Variants in GAPVD1 observed in about 807,000 individuals in gnomAD.
GAPVD1 encodes the protein GTPase activating protein and VPS9 domains 1.
In GAPVD1, 35 loss-of-function variants were observed where a neutral mutation model predicts 155.5. That is an observed-to-expected ratio of 0.23 (90% CI 0.17 to 0.30). The LOEUF (loss-of-function observed/expected upper bound fraction) is 0.30. Among genes scored for constraint, GAPVD1 ranks in the 10% least tolerant of loss-of-function variants. The probability of loss-of-function intolerance (pLI) is 1.00; values close to 1 mark genes in which losing one functional copy is unlikely to be tolerated. For synonymous variants in GAPVD1, 636 were observed against 619.7 expected (o/e 1.03, Z -0.39); for missense variants, 1,429 against 1,775.7 (o/e 0.80, Z 3.51).
chr9:125,343,231 T>C (rs1848068448), intron 19 of GAPVD1, among the ~76,000 whole-genome samples: 1 of 150,476 alleles, frequency 6.6e-6, no homozygotes, highest in Non-Finnish European at 1.5e-5. Flanking sequence ...CTATCATTAG[T>C]GTTAGTGTAT....
At chr9:125,340,906 C>T (rs575641489) in intron 17 of GAPVD1, among the ~76,000 whole-genome samples, 25 of 152,242 alleles carry the variant, frequency 1.6e-4, no homozygotes, top group African/African-American at 5.5e-4. Context: ...TAGTAAGACC[C>T]TGTCCCTACA....
At chr9:125,298,148 C>A (rs1430112778) in intron 3 of GAPVD1, among the ~76,000 whole-genome samples, 3 of 152,084 alleles carry the variant, frequency 2.0e-5, no homozygotes. Flanking sequence ...TATGCACCTC[C>A]TAGTGAGAAT....
intron 25 of GAPVD1, among the ~76,000 whole-genome samples, chr9:125,357,269 A>G (rs1211734023): frequency 6.6e-6 from 1 of 152,162 alleles, no homozygotes; most frequent in Non-Finnish European, 1.5e-5. Flanking sequence ...ATATATGCTC[A>G]TTATATATTT....
At chr9:125,263,586 T>C (rs1208829323) in intron 1 of GAPVD1, 3 of 1,402,624 alleles carry the variant, frequency 2.1e-6, no homozygotes, top group East Asian at 2.3e-5. Flanking sequence ...CCAATTTTAC[T>C]GAGGTGGCTG....
intron 4 of GAPVD1, among the ~76,000 whole-genome samples, chr9:125,299,967 C>CA (rs1269024640): frequency 7.6e-6 from 1 of 132,270 alleles, no homozygotes; most frequent in African/African-American, 2.8e-5. Flanking sequence ...TGCAGTGAGC[C>CA]AAAATCGCAC....
intron 2 of GAPVD1, among the ~76,000 whole-genome samples, chr9:125,285,194 C>T (rs1425111422): frequency 1.3e-5 from 2 of 152,168 alleles, no homozygotes; most frequent in Non-Finnish European, 2.9e-5. Flanking sequence ...AATATATAAA[C>T]AAGTGAGTAT....
Position 125,337,575 on chromosome 9 carries a change from A to G in GAPVD1, c.2861A>G (p.Asp954Gly). Residue 954 changes from aspartate (D) to glycine (G), a missense_variant, in exon 17 of 28, where the codon GAC becomes GGC. Asp to Gly is a moderately conservative substitution (Grantham distance 94, BLOSUM62 -1). Transcript: ENST00000297933. Reference sequence around the variant, plus strand: ...TCATCATCTTCATCCCCGAGTAAGGACTCCTCAAGAGGAGAGGTATGGGAC... The same window carrying G: ...TCATCATCTTCATCCCCGAGTAAGGGCTCCTCAAGAGGAGAGGTATGGGAC... ...PHSSSSSPSK[D>G]SSRGETEERK... 3.7e-6 allele frequency: 6 copies of G among 1,613,598 alleles called. No homozygotes were observed. The highest frequency in any genetic ancestry group is 5.1e-6 in the Non-Finnish European group (6 of 1,179,798).
At chr9:125,320,629 T>A (rs957897565) in intron 9 of GAPVD1, among the ~76,000 whole-genome samples, 5 of 152,216 alleles carry the variant, frequency 3.3e-5, no homozygotes, top group African/African-American at 1.2e-4. Context: ...ATTGATTTTT[T>A]ATTTTTATTT....
At chr9:125,268,504 T>C (rs1035716797) in intron 1 of GAPVD1, among the ~76,000 whole-genome samples, 10 of 149,942 alleles carry the variant, frequency 6.7e-5, no homozygotes, top group African/African-American at 2.5e-4. Flanking sequence ...TGTTTTTTTT[T>C]TTTTTTTTTT....
In GAPVD1 at chr9:125,284,233, G is replaced by A. The variant is rs1373990330; in HGVS notation, c.-149-11225G>A. On this transcript the variant is annotated intron_variant, in intron 2 of 27. Transcript: ENST00000297933. Reference sequence around the variant, plus strand: ...GAGACTCACTCTTGACACCCAGGCCGAAGTGCAGTGGTGCGATCTCAGCTT... The same window carrying A: ...GAGACTCACTCTTGACACCCAGGCCAAAGTGCAGTGGTGCGATCTCAGCTT... Among the ~76,000 whole-genome samples the A allele has an allele frequency of 3.0e-5, 4 of 131,952 alleles. No homozygotes were observed. In the East Asian group the frequency reaches 9.2e-4, roughly 30 times the overall value. The allele number at this position is 131,952 out of a possible 152,430, so 86.6% of individuals were successfully genotyped here. A position where few individuals can be genotyped will look rare whatever the true frequency, so the allele number is the denominator to read the frequency against.
chr9:125,307,224 G>T (rs1185158731), intron 6 of GAPVD1, among the ~76,000 whole-genome samples, 189 bp from the exon 7 acceptor site: 3 of 150,260 alleles, frequency 2.0e-5, no homozygotes, highest in African/African-American at 7.4e-5. Context: ...AGCTGAGATG[G>T]TGCTATTTCA....
At chr9:125,332,713 A>T (rs1846267092) in intron 15 of GAPVD1, 84 bp downstream of exon 15, 1 of 1,090,298 alleles carries the variant, frequency 9.2e-7, no homozygotes, top group Non-Finnish European at 1.4e-6. Flanking sequence ...TGGTGACAGC[A>T]TCTGTTGGTA....
At chr9:125,293,870 A>ATATTTTTATATATATATATAAATATATT (rs1839258541) in intron 2 of GAPVD1, among the ~76,000 whole-genome samples, 1 of 21,026 alleles carries the variant, frequency 4.8e-5, no homozygotes, top group African/African-American at 2.1e-4. Flanking sequence ...ATATATATAT[A>ATATTTTTATATATATATATAAATATATT]TATATATATA....
intron 23 of GAPVD1, among the ~76,000 whole-genome samples, chr9:125,354,441 G>A (rs936560827): frequency 2.6e-5 from 4 of 152,174 alleles, no homozygotes; most frequent in African/African-American, 9.7e-5. Flanking sequence ...CAAAATGGGT[G>A]TCTGTTCTGC....
intron 2 of GAPVD1, among the ~76,000 whole-genome samples, chr9:125,281,037 C>A (rs1009297787): frequency 1.3e-5 from 2 of 152,058 alleles, no homozygotes; most frequent in Non-Finnish European, 2.9e-5. Context: ...AATTTTGTTT[C>A]ATGAAGTTTC....
chr9:125,330,025 T>A, intron 12 of GAPVD1, 53 bp from the exon 13 acceptor site: 2 of 1,488,796 alleles, frequency 1.3e-6, no homozygotes, highest in Non-Finnish European at 1.8e-6. Context: ...CCACTATCAC[T>A]GCACTTTCCT....
intron 2 of GAPVD1, among the ~76,000 whole-genome samples, chr9:125,276,814 A>G (rs1047216167): frequency 6.6e-6 from 1 of 152,184 alleles, no homozygotes; most frequent in African/African-American, 2.4e-5. Flanking sequence ...GATGAAGAGC[A>G]GTGGGACCAT....
chr9:125,263,089 C>T (rs182070435), intron 1 of GAPVD1, among the ~76,000 whole-genome samples: 22 of 152,260 alleles, frequency 1.4e-4, no homozygotes, highest in Non-Finnish European at 2.8e-4. Context: ...ATTGGTTTCC[C>T]TTGTAATCAC....
chr9:125,305,114 C>G lies in GAPVD1; in HGVS notation c.1081C>G (p.Pro361Ala). ...AATGACTGGCTCTGAAGAGGGAGATCCCCGAACAAAGAGCAGCCTTGGAAA... is the reference window on the plus strand; with the variant it reads ...AATGACTGGCTCTGAAGAGGGAGATGCCCGAACAAAGAGCAGCCTTGGAAA... ...LAMTGSEEGD[P>A]RTKSSLGKFD... The change falls in exon 6 of 28, where the codon CCC becomes GCC. Residue 361 changes from proline (P) to alanine (A), a missense_variant. Physicochemically the swap from Pro to Ala is conservative, Grantham distance 27. Coordinates refer to ENST00000297933, the MANE Select transcript of GAPVD1 (RefSeq NM_001282680.3). 1 of 1,613,790 alleles carries G rather than the reference C, an allele frequency of 6.2e-7. No homozygotes were observed. Among genetic ancestry groups the G allele is most frequent in the Middle Eastern group, 1.6e-4 (1 of 6,062 alleles).
Sources: gnomAD v4.1 joint callset for allele counts (sites outside exome capture counted in the v4.1 genomes callset) on GRCh38, gnomAD v4.1.1 for gene constraint, MANE v1.5 for transcripts, NCBI Gene and HGNC (gene_info 2026-07-23, HGNC 2026-07-21) for gene names.